Variants in MYO16 observed in about 807,000 individuals in gnomAD.
MYO16 encodes myosin XVI, also known as unconventional myosin-XVI.
Under a neutral mutation model 205.3 loss-of-function variants are expected in MYO16, and 94 were observed. That is an observed-to-expected ratio of 0.46 (90% CI 0.39 to 0.54). The LOEUF is 0.54. Ranked by LOEUF, MYO16 falls within the 20% of genes least tolerant of loss-of-function variation. MYO16 has a pLI of 0.00. For missense variants in MYO16, 2,315 were observed against 2,387.5 expected, an observed-to-expected ratio of 0.97 and a Z score of 0.63; for synonymous variants, 988 against 954.0, an observed-to-expected ratio of 1.04 and a Z score of -0.66.
intron 1 of MYO16, among the ~76,000 whole-genome samples, chr13:108,636,218 C>A (rs1016075421): frequency 1.3e-5 from 2 of 152,056 alleles, no homozygotes; most frequent in Non-Finnish European, 2.9e-5. Flanking sequence ...CTTTTGATAA[C>A]TTTTGAGATA....
At chr13:108,815,852 C>T (rs1875555059) in intron 7 of MYO16, among the ~76,000 whole-genome samples, 1 of 152,142 alleles carries the variant, frequency 6.6e-6, no homozygotes, top group Non-Finnish European at 1.5e-5. Flanking sequence ...GAATAAGACA[C>T]AGACTATTTT....
upstream of MYO16, among the ~76,000 whole-genome samples, chr13:108,628,255 C>T (rs1055139347): frequency 5.9e-5 from 9 of 152,238 alleles, no homozygotes; most frequent in South Asian, 2.1e-4. Flanking sequence ...GTGGAATCAA[C>T]GAATAAATGA....
intron 22 of MYO16, among the ~76,000 whole-genome samples, chr13:109,011,489 T>C (rs1268584206): frequency 4.1e-5 from 3 of 73,802 alleles, no homozygotes; most frequent in Non-Finnish European, 7.8e-5. Flanking sequence ...TTTTTTTTTT[T>C]CTTCCTTTCT....
At chr13:108,594,048 G>A (rs530170160), upstream of MYO16, among the ~76,000 whole-genome samples, 2 of 152,244 alleles carry the variant, frequency 1.3e-5, no homozygotes, top group South Asian at 4.1e-4. Flanking sequence ...ACAGACAAAC[G>A]TGATTATTAT....
chr13:109,206,507 G>C, intron 34 of MYO16, 102 bp from the exon 35 acceptor site: 1 of 856,814 alleles, frequency 1.2e-6, no homozygotes, highest in Non-Finnish European at 1.9e-6. Flanking sequence ...GCCTCTTTCA[G>C]CACCAGTCCT....
chr13:108,979,027 A>G (rs78041929), intron 20 of MYO16, among the ~76,000 whole-genome samples: 11,040 of 152,068 alleles, frequency 0.073, 532 homozygotes, highest in Non-Finnish European at 0.1. Flanking sequence ...TGACATTTAC[A>G]TTCCTGATAC....
At chr13:108,993,673 G>A (rs1259782379) in intron 21 of MYO16, among the ~76,000 whole-genome samples, 2 of 152,170 alleles carry the variant, frequency 1.3e-5, no homozygotes, top group African/African-American at 2.4e-5. Flanking sequence ...TAGAAAAGGA[G>A]ATACTTCATG....
rs917719974 is a variant in MYO16 at position 108,652,887 on chromosome 13, A to G, written c.29-12999A>G. ...ATATCTCTCCAACACCCTGCTTTCA[A>G]TTATTTTGATGTATACCCAGAAGTA... is the stretch of plus-strand genomic sequence containing the variant. On this transcript the variant is annotated intron_variant, in intron 1 of 34. Coordinates refer to ENST00000457511, the MANE Select transcript of MYO16 (RefSeq NM_001198950.3). Among the ~76,000 whole-genome samples, 3 of 152,260 alleles carry G rather than the reference A, an allele frequency of 2.0e-5. No individual in the cohort carries two copies. In the East Asian group the frequency reaches 5.8e-4, roughly 29 times the overall value.
chr13:108,637,692 T>A (rs1335857996), intron 1 of MYO16, among the ~76,000 whole-genome samples: 1 of 151,916 alleles, frequency 6.6e-6, no homozygotes, highest in Non-Finnish European at 1.5e-5. Flanking sequence ...CTGACCAACA[T>A]GGCAAAACCC....
chr13:108,891,329 C>G (rs1880162779), intron 14 of MYO16, among the ~76,000 whole-genome samples: 1 of 152,288 alleles, frequency 6.6e-6, no homozygotes, highest in South Asian at 2.1e-4. Flanking sequence ...TACCTCTCTT[C>G]CTTTTTATAC....
intron 4 of MYO16, among the ~76,000 whole-genome samples, chr13:108,732,549 G>A (rs1165648721): frequency 6.6e-6 from 1 of 152,146 alleles, no homozygotes; most frequent in Non-Finnish European, 1.5e-5. Context: ...GGGACAGCAA[G>A]GAGACCAGCA....
intron 27 of MYO16, among the ~76,000 whole-genome samples, chr13:109,093,308 G>A (rs910252727): frequency 8.5e-5 from 13 of 152,152 alleles, no homozygotes; most frequent in Admixed American, 7.9e-4. Context: ...AACCCCATGA[G>A]GGCATGAGCA....
At chr13:108,613,468 C>T (rs1269919745) in intron 1 of MYO16, among the ~76,000 whole-genome samples, 1 of 152,034 alleles carries the variant, frequency 6.6e-6, no homozygotes, top group Admixed American at 6.6e-5. Flanking sequence ...ACCTTCAAAA[C>T]TTAGTGTCAT....
At chr13:108,626,752 C>T (rs1261716816), upstream of MYO16, among the ~76,000 whole-genome samples, 2 of 151,330 alleles carry the variant, frequency 1.3e-5, no homozygotes, top group South Asian at 2.1e-4. Flanking sequence ...TTGCAGTGAG[C>T]CAAGATCGCG....
intron 5 of MYO16, 91 bp from the exon 6 acceptor site, chr13:108,793,425 A>C: frequency 7.9e-7 from 1 of 1,261,454 alleles, no homozygotes; most frequent in Non-Finnish European, 1.1e-6. Context: ...AGAAAAACAC[A>C]TTGAAAGAAT....
chr13:108,761,698 A>T (rs1013342708), intron 4 of MYO16, among the ~76,000 whole-genome samples: 5 of 152,162 alleles, frequency 3.3e-5, no homozygotes, highest in African/African-American at 1.2e-4. Context: ...CAGGTAGTAA[A>T]ATCTGAGGGC....
At position 109,100,064 on chromosome 13, in the gene MYO16, TTCC is replaced by T. The variant is rs1888912143; in HGVS notation, c.3336-711_3336-709del. On this transcript the variant is annotated intron_variant, in intron 27 of 34. Transcript: ENST00000457511. Reference sequence around the variant, plus strand: ...TCATTTCCTTTCTGGTTTTCTCCTCTTCCTCCTCCTCCATTGCAACCTTGCCTG... The same window carrying T: ...TCATTTCCTTTCTGGTTTTCTCCTCTTCCTCCTCCATTGCAACCTTGCCTG... Among the ~76,000 whole-genome samples the T allele has an allele frequency of 2.6e-5, 4 of 152,308 alleles. No homozygotes were observed. The South Asian group carries it at 8.3e-4, about 32-fold the overall frequency.
intron 16 of MYO16, among the ~76,000 whole-genome samples, chr13:108,947,473 C>T (rs934200358): frequency 7.2e-5 from 11 of 152,198 alleles, no homozygotes; most frequent in Admixed American, 5.9e-4. Flanking sequence ...CTACCATCTT[C>T]GAGGCCAGGC....
intron 11 of MYO16, among the ~76,000 whole-genome samples, chr13:108,863,173 T>G (rs1878531539): frequency 6.6e-6 from 1 of 152,144 alleles, no homozygotes; most frequent in South Asian, 2.1e-4. Flanking sequence ...TATTTCTTTT[T>G]TTGAAAAAGT....
Sources: gnomAD v4.1 joint callset for allele counts (sites outside exome capture counted in the v4.1 genomes callset) on GRCh38, gnomAD v4.1.1 for gene constraint, MANE v1.5 for transcripts, NCBI Gene and HGNC (gene_info 2026-07-23, HGNC 2026-07-21) for gene names.